The following MAP2 variants were observed in gnomAD, a reference collection of about 807,000 sequenced individuals.
The protein encoded by MAP2 is microtubule-associated protein 2.
MAP2 carries 14 observed loss-of-function variants against 137.6 expected under a neutral mutation model. That is an observed-to-expected ratio of 0.10 (90% CI 0.07 to 0.16). The LOEUF (loss-of-function observed/expected upper bound fraction) is 0.16. Ranked by LOEUF, MAP2 falls within the 10% of genes least tolerant of loss-of-function variation. MAP2 has a pLI of 1.00. For synonymous variants in MAP2, 786 were observed against 782.3 expected, an observed-to-expected ratio of 1.00 and a Z score of -0.08; for missense variants, 2,088 against 2,191.5, an observed-to-expected ratio of 0.95 and a Z score of 0.94.
chr2:209,695,926 A>G lies in MAP2; in HGVS notation c.3756A>G (p.Ser1252=). 6.2e-7 allele frequency: 1 copy of G among 1,614,132 alleles called. No individual in the cohort carries two copies. Among genetic ancestry groups the G allele is most frequent in the Non-Finnish European group, 8.5e-7 (1 of 1,179,998 alleles). Residue 1252 remains serine (S), a synonymous_variant, in exon 8 of 16, where the codon TCA becomes TCG. Coordinates refer to ENST00000682079, the MANE Select transcript of MAP2 (RefSeq NM_001375505.1). The part of the protein sequence containing the change: ...QGEYDKLLFR[S]DTLQITDLGV... ...AATATGATAAACTGCTCTTCCGCTC[A>G]GACACCCTTCAGATAACTGACCTGG...
intron 2 of MAP2, among the ~76,000 whole-genome samples, chr2:209,566,167 A>C (rs1477929360): frequency 6.6e-6 from 1 of 152,228 alleles, no homozygotes; most frequent in African/African-American, 2.4e-5. Flanking sequence ...ACTGAACTGC[A>C]TTGATTTGCA....
chr2:209,506,473 A>G (rs1004161797), intron 1 of MAP2, among the ~76,000 whole-genome samples: 6 of 152,188 alleles, frequency 3.9e-5, no homozygotes. Context: ...ACTCACAAAC[A>G]TACTTCTAGA....
chr2:209,455,473 A>G (rs1338987655), intron 1 of MAP2, among the ~76,000 whole-genome samples: 1 of 152,208 alleles, frequency 6.6e-6, no homozygotes, highest in Non-Finnish European at 1.5e-5. Context: ...ACTCATGATA[A>G]CCAGAGTGAA....
intron 4 of MAP2, among the ~76,000 whole-genome samples, chr2:209,626,196 A>G (rs1479214063): frequency 6.6e-6 from 1 of 152,100 alleles, no homozygotes; most frequent in Non-Finnish European, 1.5e-5. Flanking sequence ...TGGGCAGATC[A>G]TGAGGTCAGG....
chr2:209,639,046 T>G (rs1236065563), intron 4 of MAP2, among the ~76,000 whole-genome samples: 1 of 152,174 alleles, frequency 6.6e-6, no homozygotes, highest in Non-Finnish European at 1.5e-5. Context: ...TAATCATTTA[T>G]TGACTACCAC....
chr2:209,732,318 A>G lies in MAP2; in HGVS notation c.*1921A>G, dbSNP rs2075877499. The G allele has an allele frequency of 6.6e-6, 1 of 152,252 alleles. No individual in the cohort carries two copies. Among genetic ancestry groups the G allele is most frequent in the African/African-American group, 2.4e-5 (1 of 41,470 alleles). The allele number at this position is 152,252 out of a possible 1,614,324, so 9.4% of individuals were successfully genotyped here. ...GGATATGGCAACCAGTGTAACTGCC[A>G]TACAAGAAACCCTAGGAGCAAACCC... On this transcript the variant is annotated 3_prime_UTR_variant, in exon 16 of 16. Transcript: ENST00000682079.
intron 4 of MAP2, among the ~76,000 whole-genome samples, chr2:209,651,408 A>G (rs2153605704): frequency 6.6e-6 from 1 of 152,318 alleles, no homozygotes; most frequent in East Asian, 1.9e-4. Flanking sequence ...TTCCTATGCC[A>G]ATGTTGTATA....
intron 4 of MAP2, among the ~76,000 whole-genome samples, chr2:209,635,534 T>G (rs1559454670): frequency 6.6e-6 from 1 of 152,192 alleles, no homozygotes; most frequent in African/African-American, 2.4e-5. Context: ...GCTCCATCCA[T>G]ACTGTTTATT....
intron 13 of MAP2, among the ~76,000 whole-genome samples, chr2:209,714,881 T>G (rs1168160477): frequency 1.3e-5 from 2 of 152,236 alleles, no homozygotes; most frequent in Non-Finnish European, 2.9e-5. Context: ...TCTGCAAGTA[T>G]GTAATTTTGT....
chr2:209,524,148 A>G (rs2063677756), intron 2 of MAP2, among the ~76,000 whole-genome samples: 1 of 152,126 alleles, frequency 6.6e-6, no homozygotes. Flanking sequence ...AAAGGTTGGC[A>G]TGGAAACCTT....
chr2:209,725,811 A>G, intron 14 of MAP2, 21 bp downstream of exon 14: 1 of 1,515,210 alleles, frequency 6.6e-7, no homozygotes, highest in Non-Finnish European at 8.9e-7. Context: ...AATTTTTAGT[A>G]GTTTGAGAAA....
rs1559574828 is a variant in MAP2, at chr2:209,693,195, C to G, written c.1025C>G (p.Pro342Arg). The G allele has an allele frequency of 1.9e-6, 3 of 1,612,474 alleles. No individual in the cohort carries two copies. The highest frequency in any genetic ancestry group is 1.7e-6 in the Non-Finnish European group (2 of 1,179,586). Residue 342 changes from proline (P) to arginine (R), a missense_variant, in exon 8 of 16, where the codon CCT becomes CGT. By Grantham distance (103) the Pro-to-Arg change is moderately radical (BLOSUM62 -2). Coordinates refer to ENST00000682079, the MANE Select transcript of MAP2 (RefSeq NM_001375505.1). ...GTTACAGAAACATCGCCCTTTGCCCCTGCCTTTTTACAGCCAGATGACAAA... is the reference window on the plus strand; with the variant it reads ...GTTACAGAAACATCGCCCTTTGCCCGTGCCTTTTTACAGCCAGATGACAAA... ...EIVTETSPFAPAFLQPDDKKS... is the reference protein window; with the variant it reads ...EIVTETSPFARAFLQPDDKKS...
At chr2:209,601,582 G>A (rs1265604135) in intron 3 of MAP2, among the ~76,000 whole-genome samples, 2 of 152,142 alleles carry the variant, frequency 1.3e-5, no homozygotes, top group African/African-American at 4.8e-5. Context: ...CTATAAAGGG[G>A]TGGTCCTGGG....
intron 13 of MAP2, among the ~76,000 whole-genome samples, chr2:209,711,021 T>C (rs1559638350): frequency 6.6e-6 from 1 of 152,176 alleles, no homozygotes; most frequent in Non-Finnish European, 1.5e-5. Context: ...ATAATACAAA[T>C]ATTATTTAAT....
intron 5 of MAP2, chr2:209,661,532 C>T (rs2043630992): frequency 2.0e-6 from 2 of 985,356 alleles, no homozygotes; most frequent in African/African-American, 3.5e-5. Flanking sequence ...ATCACACAGC[C>T]TCACTGCGAA....
At position 209,692,914 on chromosome 2, in the gene MAP2, T is replaced by C; in HGVS notation, c.744T>C (p.Pro248=). ...AGACAGAACCAAGCCTTGTAGTACC[T>C]GGCATTGACCTCCCTAAAGAGCCTC... ...KQKTEPSLVV[P]GIDLPKEPPT... is the part of the protein sequence containing the mutation. Residue 248 remains proline, a synonymous_variant, in exon 8 of 16, where the codon CCT becomes CCC. Coordinates refer to ENST00000682079, the MANE Select transcript of MAP2 (RefSeq NM_001375505.1). The C allele has an allele frequency of 6.2e-7, 1 of 1,614,116 alleles. No individual in the cohort carries two copies. Among genetic ancestry groups the C allele is most frequent in the Non-Finnish European group, 8.5e-7 (1 of 1,179,994 alleles).
In MAP2 at chr2:209,694,307, G is replaced by A. The variant is rs1225870249; in HGVS notation, c.2137G>A (p.Ala713Thr). 3.1e-6 allele frequency: 5 copies of A among 1,614,018 alleles called. No homozygotes were observed. Among genetic ancestry groups the A allele is most frequent in the Non-Finnish European group, 1.7e-6 (2 of 1,180,028 alleles). ...GCCGATGTCTTGCCTAGATTCCATA[G>A]CCCTTGGATTTAACTTTGGTCGGGG... ...NLPMSCLDSI[A>T]LGFNFGRGHD... is the part of the protein sequence containing the mutation. Residue 713 changes from alanine (A) to threonine (T), a missense_variant, in exon 8 of 16, where the codon GCC becomes ACC. By Grantham distance (58) the Ala-to-Thr change is moderately conservative. Around this residue, in one of 6 missense-constraint regions of MAP2, gnomAD observed 500 missense variants for 482.9 expected, o/e 1.04. Coordinates refer to ENST00000682079, the MANE Select transcript of MAP2 (RefSeq NM_001375505.1).
chr2:209,453,103 G>A (rs914929983), intron 1 of MAP2, among the ~76,000 whole-genome samples: 1 of 152,186 alleles, frequency 6.6e-6, no homozygotes, highest in African/African-American at 2.4e-5. Flanking sequence ...AGTGATTTCT[G>A]TGGCTTATAC....
At chr2:209,728,717 C>T (rs571143165) in intron 14 of MAP2, among the ~76,000 whole-genome samples, 4 of 152,168 alleles carry the variant, frequency 2.6e-5, no homozygotes, top group Non-Finnish European at 2.9e-5. Context: ...TATTTCCATA[C>T]GGTCCATCAG....
Sources: gnomAD v4.1 joint callset for allele counts (sites outside exome capture counted in the v4.1 genomes callset) on GRCh38, gnomAD v4.1.1 for gene constraint, gnomAD v4.1.1 regional missense constraint, MANE v1.5 for transcripts, NCBI Gene and HGNC (gene_info 2026-07-23, HGNC 2026-07-21) for gene names.